The following DSCAM variants were observed in gnomAD, a reference collection of about 807,000 sequenced individuals.
DSCAM encodes the protein DS cell adhesion molecule.
A neutral mutation model predicts 217.7 loss-of-function variants in DSCAM; 47 were observed. The observed-to-expected ratio is 0.22, with a 90% confidence interval of 0.17 to 0.28. The LOEUF is 0.28. Among genes scored for constraint, DSCAM ranks in the 10% least tolerant of loss-of-function variants. The pLI is 1.00. For missense variants in DSCAM, 2,080 were observed against 2,618.3 expected, an observed-to-expected ratio of 0.79 and a Z score of 4.49; for synonymous variants, 1,056 against 1,015.3, an observed-to-expected ratio of 1.04 and a Z score of -0.76.
intron 3 of DSCAM, among the ~76,000 whole-genome samples, chr21:40,646,510 C>A (rs1177603212): frequency 6.6e-6 from 1 of 152,042 alleles, no homozygotes; most frequent in Non-Finnish European, 1.5e-5. Context: ...ATCTGGAGTC[C>A]ATCGTGTTGC....
At position 40,075,208 on chromosome 21, in the gene DSCAM, T is replaced by C. The variant is rs755292720; in HGVS notation, c.4717A>G (p.Ile1573Val). 1.4e-5 allele frequency: 22 copies of C among 1,614,024 alleles called. No homozygotes were observed. In the Admixed American group the frequency reaches 3.3e-4, roughly 24 times the overall value. ...ACAACTGACTTAATGAGTGGAGGAA[T>C]TGTACCTGAAAGCAGGGCCACGGTG... Reference protein sequence around the residue: ...FATLNYDGSTIPPLIKSVVQN... With the variant: ...FATLNYDGSTVPPLIKSVVQN... The change falls in exon 27 of 33, where the codon ATT (isoleucine) becomes GTT (valine). Residue 1573 changes from isoleucine to valine, a missense_variant. Ile to Val is a conservative substitution (Grantham distance 29, BLOSUM62 3). Coordinates refer to ENST00000400454, the MANE Select transcript of DSCAM (RefSeq NM_001389.5).
At chr21:40,450,393 T>C (rs1286360997) in intron 3 of DSCAM, among the ~76,000 whole-genome samples, 1 of 152,218 alleles carries the variant, frequency 6.6e-6, no homozygotes, top group Non-Finnish European at 1.5e-5. Context: ...CTTCAAATTC[T>C]GGCCACAATC....
At chr21:40,165,920 G>A (rs548036568) in intron 16 of DSCAM, among the ~76,000 whole-genome samples, 40 of 152,146 alleles carry the variant, frequency 2.6e-4, no homozygotes, top group South Asian at 8.3e-4. Context: ...GGGGGTGGAT[G>A]TGCTTACAAA....
chr21:40,530,776 TAAGGGAGTCAC>T (rs1227948905), intron 3 of DSCAM, among the ~76,000 whole-genome samples: 1 of 152,122 alleles, frequency 6.6e-6, no homozygotes, highest in Admixed American at 6.6e-5. Flanking sequence ...CATCGCTCGA[TAAGGGAGTCAC>T]AACATCCTCC....
At chr21:40,380,720 G>A (rs1412490436) in intron 3 of DSCAM, among the ~76,000 whole-genome samples, 1 of 152,152 alleles carries the variant, frequency 6.6e-6, no homozygotes, top group Non-Finnish European at 1.5e-5. Context: ...TATGTTTGAG[G>A]CGGGAAAAAC....
At chr21:40,631,242 G>T (rs963361594) in intron 3 of DSCAM, among the ~76,000 whole-genome samples, 3 of 152,030 alleles carry the variant, frequency 2.0e-5, no homozygotes, top group Non-Finnish European at 4.4e-5. Context: ...AGCTCTATCT[G>T]CCCCATGTCA....
intron 3 of DSCAM, among the ~76,000 whole-genome samples, chr21:40,377,284 C>T (rs748446458): frequency 6.6e-6 from 1 of 152,078 alleles, no homozygotes; most frequent in Non-Finnish European, 1.5e-5. Flanking sequence ...AGTATCTGTG[C>T]CAGGATGGTG....
intron 3 of DSCAM, among the ~76,000 whole-genome samples, chr21:40,596,426 T>C (rs1183307256): frequency 6.6e-6 from 1 of 152,324 alleles, no homozygotes; most frequent in East Asian, 1.9e-4. Context: ...AGGCCCTCAA[T>C]GGCCATTTTT....
chr21:40,316,844 T>C (rs946605289), intron 8 of DSCAM, among the ~76,000 whole-genome samples: 1 of 152,178 alleles, frequency 6.6e-6, no homozygotes, highest in African/African-American at 2.4e-5. Context: ...CAGACTGATA[T>C]ATTTCTGTCT....
chr21:40,243,255 AG>A (rs1442763120), intron 11 of DSCAM, among the ~76,000 whole-genome samples: 2 of 152,252 alleles, frequency 1.3e-5, no homozygotes, highest in African/African-American at 4.8e-5. Flanking sequence ...ATAAAGAAAA[AG>A]GAAAAAAATA....
intron 3 of DSCAM, among the ~76,000 whole-genome samples, chr21:40,643,412 T>A (rs1304748309): frequency 6.6e-6 from 1 of 152,182 alleles, no homozygotes; most frequent in African/African-American, 2.4e-5. Context: ...TGGTTTAAAT[T>A]CAGTTTCGCG....
intron 16 of DSCAM, among the ~76,000 whole-genome samples, chr21:40,166,308 AT>A (rs946649819): frequency 3.3e-5 from 5 of 152,222 alleles, no homozygotes; most frequent in African/African-American, 1.2e-4. Flanking sequence ...AAGAAAAAAA[AT>A]CACATGCCAT....
intron 3 of DSCAM, among the ~76,000 whole-genome samples, chr21:40,518,573 C>T (rs2076332793): frequency 8.9e-5 from 7 of 79,002 alleles, no homozygotes; most frequent in African/African-American, 4.5e-4. Flanking sequence ...CACATATATA[C>T]ATACACACAC....
intron 1 of DSCAM, among the ~76,000 whole-genome samples, chr21:40,747,971 C>T (rs1396893643): frequency 6.6e-6 from 1 of 151,722 alleles, no homozygotes; most frequent in Admixed American, 6.6e-5. Flanking sequence ...AGGCCAAATC[C>T]ATATGATAAT....
chr21:40,112,946 T>C (rs1423594701), intron 20 of DSCAM, among the ~76,000 whole-genome samples: 1 of 152,024 alleles, frequency 6.6e-6, no homozygotes, highest in Admixed American at 6.6e-5. Context: ...CCAAAAAAAG[T>C]CCAGGACCAG....
chr21:40,279,655 A>T (rs1360224371), intron 10 of DSCAM, among the ~76,000 whole-genome samples: 1 of 152,242 alleles, frequency 6.6e-6, no homozygotes, highest in Non-Finnish European at 1.5e-5. Flanking sequence ...AAATCATTTT[A>T]CTATGAAGAC....
intron 1 of DSCAM, among the ~76,000 whole-genome samples, chr21:40,839,625 G>T (rs550320004): frequency 1.3e-5 from 2 of 152,070 alleles, no homozygotes; most frequent in South Asian, 2.1e-4. Flanking sequence ...ATTTCTGCAA[G>T]GGTTGGTATG....
At chr21:40,150,783 G>A (rs957440558) in intron 16 of DSCAM, among the ~76,000 whole-genome samples, 7 of 152,270 alleles carry the variant, frequency 4.6e-5, no homozygotes, top group Middle Eastern at 3.4e-3. Flanking sequence ...AAAGGGAGAT[G>A]GTTTTCTGGG....
In DSCAM at chr21:40,062,911, A is replaced by G; in HGVS notation, c.4889-12T>C. The G allele has an allele frequency of 6.3e-7, 1 of 1,598,832 alleles. No homozygotes were observed. Among genetic ancestry groups the G allele is most frequent in the Non-Finnish European group, 8.5e-7 (1 of 1,175,122 alleles). ...TAAACTCTTTGCATCTGGGGAAAGA[A>G]AGTTAACATTAGTACATGGTAAATA... On this transcript the variant is annotated splice_polypyrimidine_tract_variant and intron_variant, in intron 27 of 32. Transcript: ENST00000400454.
Sources: gnomAD v4.1 joint callset for allele counts (sites outside exome capture counted in the v4.1 genomes callset) on GRCh38, gnomAD v4.1.1 for gene constraint, MANE v1.5 for transcripts, NCBI Gene and HGNC (gene_info 2026-07-23, HGNC 2026-07-21) for gene names.